Variants in CDH13 observed in about 807,000 individuals in gnomAD.
The protein encoded by CDH13 is cadherin 13, also known as cadherin-13.
A neutral mutation model predicts 63.8 loss-of-function variants in CDH13; 24 were observed. The observed-to-expected ratio is 0.38, with a 90% CI of 0.27 to 0.53. The LOEUF (loss-of-function observed/expected upper bound fraction) is 0.53, where lower values mean the gene tolerates loss of function less well. Among genes scored for constraint, CDH13 ranks in the 20% least tolerant of loss-of-function variants. CDH13 has a pLI of 0.85. For missense variants in CDH13, 1,049 were observed against 903.1 expected (o/e 1.16, Z -2.07); for synonymous variants, 503 against 355.3 (o/e 1.42, Z -4.67).
intron 6 of CDH13, among the ~76,000 whole-genome samples, chr16:83,406,371 A>T (rs2092044676): frequency 6.6e-6 from 1 of 152,014 alleles, no homozygotes. Context: ...TCTCAGGCTC[A>T]GCCTGGAGGA....
chr16:82,706,607 C>T (rs901493461), intron 1 of CDH13, among the ~76,000 whole-genome samples: 2 of 150,626 alleles, frequency 1.3e-5, no homozygotes, highest in East Asian at 1.9e-4. Context: ...CCAGCCTGGC[C>T]AACATGGTGA....
intron 1 of CDH13, among the ~76,000 whole-genome samples, chr16:82,726,276 C>A (rs2033089598): frequency 6.6e-6 from 1 of 152,064 alleles, no homozygotes; most frequent in Non-Finnish European, 1.5e-5. Flanking sequence ...TTAGCCTTGG[C>A]AAGCTATAAG....
intron 1 of CDH13, among the ~76,000 whole-genome samples, chr16:82,641,927 G>T (rs1232991076): frequency 6.6e-6 from 1 of 152,112 alleles, no homozygotes; most frequent in South Asian, 2.1e-4. Flanking sequence ...CAGGCGAGGG[G>T]GTAGATAGCG....
chr16:83,034,999 C>T (rs1916718757), intron 3 of CDH13, among the ~76,000 whole-genome samples: 1 of 151,856 alleles, frequency 6.6e-6, no homozygotes, highest in East Asian at 1.9e-4. Context: ...CAGAATGGGG[C>T]ATTCATCTCC....
intron 4 of CDH13, among the ~76,000 whole-genome samples, chr16:83,170,669 AAG>A (rs2037877252): frequency 6.6e-6 from 1 of 152,184 alleles, no homozygotes; most frequent in African/African-American, 2.4e-5. Flanking sequence ...TCCTTACAAA[AAG>A]TATTTCTAAG....
intron 8 of CDH13, among the ~76,000 whole-genome samples, chr16:83,633,033 T>C (rs140608038): frequency 6.6e-6 from 1 of 152,266 alleles, no homozygotes; most frequent in African/African-American, 2.4e-5. Flanking sequence ...AATTAGCATA[T>C]AATGAGCAGT....
chr16:83,726,511 C>G (rs1194708708), intron 10 of CDH13: 1 of 152,132 alleles, frequency 6.6e-6, no homozygotes, highest in Non-Finnish European at 1.5e-5. Context: ...TGAGTATTTG[C>G]TAAACGGGCA....
intron 2 of CDH13, among the ~76,000 whole-genome samples, chr16:82,914,470 C>G (rs757783860): frequency 2.6e-5 from 4 of 152,278 alleles, no homozygotes; most frequent in Middle Eastern, 3.4e-3. Context: ...GTTTTTTCAC[C>G]TTGACTGACT....
intron 2 of CDH13, among the ~76,000 whole-genome samples, chr16:82,994,647 C>G: frequency 6.6e-6 from 1 of 152,262 alleles, no homozygotes; most frequent in South Asian, 2.1e-4. Context: ...TAATCAAGTT[C>G]TTTGTAAGGA....
At chr16:83,541,680 C>A (rs993412679) in intron 7 of CDH13, among the ~76,000 whole-genome samples, 1 of 152,194 alleles carries the variant, frequency 6.6e-6, no homozygotes, top group Non-Finnish European at 1.5e-5. Context: ...CCCTGACTCC[C>A]CCAAGACATT....
chr16:83,222,939 G>A (rs2151794714), intron 5 of CDH13, among the ~76,000 whole-genome samples: 1 of 152,134 alleles, frequency 6.6e-6, no homozygotes, highest in South Asian at 2.1e-4. Context: ...CCTGTGAATT[G>A]TAGGAGGCTT....
chr16:82,847,218 T>A (rs1347674557), intron 1 of CDH13, among the ~76,000 whole-genome samples: 2 of 152,236 alleles, frequency 1.3e-5, no homozygotes, highest in African/African-American at 4.8e-5. Flanking sequence ...TAGTTCCCAA[T>A]GGCTGCTGTA....
At chr16:82,778,869 T>C (rs1372483423) in intron 1 of CDH13, among the ~76,000 whole-genome samples, 1 of 152,218 alleles carries the variant, frequency 6.6e-6, no homozygotes, top group African/African-American at 2.4e-5. Context: ...TAGCTGAGTC[T>C]TAGGAACTGA....
At chr16:83,329,762 G>A (rs2090443140) in intron 5 of CDH13, among the ~76,000 whole-genome samples, 1 of 152,024 alleles carries the variant, frequency 6.6e-6, no homozygotes, top group African/African-American at 2.4e-5. Flanking sequence ...TCATATAAGT[G>A]GAATCACACA....
intron 1 of CDH13, among the ~76,000 whole-genome samples, chr16:82,786,462 T>C (rs2036012181): frequency 7.0e-6 from 1 of 142,860 alleles, no homozygotes; most frequent in Non-Finnish European, 1.5e-5. Flanking sequence ...TTTTCCATAG[T>C]CTCATCTATG....
intron 12 of CDH13, among the ~76,000 whole-genome samples, chr16:83,781,165 G>C (rs745633789): frequency 1.3e-5 from 2 of 152,056 alleles, no homozygotes; most frequent in Non-Finnish European, 2.9e-5. Flanking sequence ...ATAGGCAGGT[G>C]GAATTCAAAA....
intron 8 of CDH13, among the ~76,000 whole-genome samples, chr16:83,669,196 T>C (rs947908860): frequency 6.6e-6 from 1 of 152,180 alleles, no homozygotes; most frequent in Non-Finnish European, 1.5e-5. Flanking sequence ...TGATCTCCCA[T>C]GCGCTCCAAC....
chr16:83,788,143 T>C (rs13331825), intron 13 of CDH13, among the ~76,000 whole-genome samples: 19,710 of 152,228 alleles, frequency 0.13, 2,126 homozygotes, highest in African/African-American at 0.3. Flanking sequence ...ACATCACACA[T>C]TGCCCTCTGT....
chr16:83,443,700 C>G (rs1019005034), intron 6 of CDH13, among the ~76,000 whole-genome samples: 12 of 82,446 alleles, frequency 1.5e-4, no homozygotes, highest in African/African-American at 6.1e-4. Flanking sequence ...GTGCGAAGTC[C>G]CTACGAAAAA....
Sources: allele counts gnomAD v4.1 joint callset (sites outside exome capture counted in the v4.1 genomes callset), GRCh38; gene constraint gnomAD v4.1.1; transcripts MANE v1.5; gene names NCBI Gene and HGNC (gene_info 2026-07-23, HGNC 2026-07-21).